Variants in AKAIN1 observed in about 807,000 individuals in gnomAD.
AKAIN1 encodes the protein A-kinase anchor protein inhibitor 1.
AKAIN1 carries 3 observed loss-of-function variants against 3.7 expected under a neutral mutation model. The ratio of observed to expected loss-of-function variants is 0.82; its 90% CI spans 0.37 to 2.12. The LOEUF is 2.12. Ranked by LOEUF, AKAIN1 falls within the 30% of genes most tolerant of loss-of-function variation. The pLI is 0.06. For missense variants in AKAIN1, 82 were observed against 82.7 expected, an observed-to-expected ratio of 0.99 and a Z score of 0.03; for synonymous variants, 31 against 30.8, an observed-to-expected ratio of 1.01 and a Z score of -0.02.
In AKAIN1 at chr18:5,161,178, G is replaced by A. The variant is rs117523540; in HGVS notation, c.17-15423C>T. On this transcript the variant is annotated intron_variant, in intron 1 of 1. Coordinates refer to ENST00000434239, the MANE Select transcript of AKAIN1 (RefSeq NM_001145194.2). ...TAGATCTTTCCATATTTTGTTCTTC[G>A]GCTCCATGTCCATAGTGTATCTCTC... Among the ~76,000 whole-genome samples, 1,320 of 151,698 alleles carry A rather than the reference G, an allele frequency of 8.7e-3. 13 individuals carry two copies. The highest frequency in any genetic ancestry group is 0.034 in the Middle Eastern group (10 of 294).
In AKAIN1 at chr18:5,165,616, C is replaced by T. The variant is rs559172538; in HGVS notation, c.17-19861G>A. Reference sequence around the variant, plus strand: ...CAGATGATAGAGAGCTTGACTCAGACGTCAAATATGGCCTAAAAGGAATCC... The same window carrying T: ...CAGATGATAGAGAGCTTGACTCAGATGTCAAATATGGCCTAAAAGGAATCC... On this transcript the variant is annotated intron_variant, in intron 1 of 1. Transcript: ENST00000434239. 7.2e-5 allele frequency among the ~76,000 whole-genome samples: 11 copies of T among 152,036 alleles called. No individual in the cohort carries two copies. The East Asian group carries it at 7.7e-4, about 11-fold the overall frequency.
chr18:5,197,153 G>T lies in AKAIN1; in HGVS notation c.-100C>A. The stretch of plus-strand genomic sequence containing the variant: ...TTGGCGGGGTCCGGTGCAGGAGGGC[G>T]CGCTGGGCGGGCGGCGGGCGGGGCG... On this transcript the variant is annotated 5_prime_UTR_variant, in exon 1 of 2. Coordinates refer to ENST00000434239, the MANE Select transcript of AKAIN1 (RefSeq NM_001145194.2). The surrounding 1 kb of genome is among the most constrained non-coding windows in gnomAD (Gnocchi z 6.9). 2.0e-6 allele frequency: 3 copies of T among 1,526,160 alleles called. No individual in the cohort carries two copies. Among genetic ancestry groups the T allele is most frequent in the Non-Finnish European group, 1.8e-6 (2 of 1,139,758 alleles). 94.5% of individuals were successfully genotyped at this position (1,526,160 alleles called of 1,614,324 possible).
At chr18:5,169,553 A>G (rs563982640) in intron 1 of AKAIN1, among the ~76,000 whole-genome samples, 3 of 152,142 alleles carry the variant, frequency 2.0e-5, no homozygotes, top group Non-Finnish European at 4.4e-5. Flanking sequence ...TTGGCATAGG[A>G]GTTGAAATCT....
intron 1 of AKAIN1, among the ~76,000 whole-genome samples, chr18:5,187,354 T>C (rs970417555): frequency 6.6e-6 from 1 of 152,190 alleles, no homozygotes; most frequent in Non-Finnish European, 1.5e-5. Context: ...AATGTCTTTG[T>C]CCATTTTCTG....
rs140818008 is a variant in AKAIN1, at chr18:5,196,236, T to C, written c.16+802A>G. Among the ~76,000 whole-genome samples, 659 of 152,324 alleles carry C rather than the reference T, an allele frequency of 4.3e-3. 5 individuals carry two copies. The highest frequency in any genetic ancestry group is 0.015 in the African/African-American group (621 of 41,578). The stretch of plus-strand genomic sequence containing the variant: ...GAGAGAAATACTTTGGATCTACCCC[T>C]AGAGACAGCGTCGGACGTTCACAAC... On this transcript the variant is annotated intron_variant, in intron 1 of 1. Transcript: ENST00000434239.
chr18:5,162,054 G>C (rs1056983753), intron 1 of AKAIN1, among the ~76,000 whole-genome samples: 1 of 152,104 alleles, frequency 6.6e-6, no homozygotes, highest in African/African-American at 2.4e-5. Context: ...GAGAAGAGAA[G>C]GATTTATGTG....
intron 1 of AKAIN1, among the ~76,000 whole-genome samples, chr18:5,175,263 G>A (rs116529740): frequency 4.6e-5 from 7 of 152,252 alleles, no homozygotes; most frequent in African/African-American, 1.4e-4. Context: ...GGCTCATGAT[G>A]CATGTGAGTT....
chr18:5,147,680 C>T (rs2071056860), intron 1 of AKAIN1, among the ~76,000 whole-genome samples: 1 of 152,160 alleles, frequency 6.6e-6, no homozygotes. Flanking sequence ...GACTTATGAT[C>T]TTCATTTATT....
chr18:5,178,086 G>T (rs1264847190), intron 1 of AKAIN1, among the ~76,000 whole-genome samples: 1 of 152,128 alleles, frequency 6.6e-6, no homozygotes. Flanking sequence ...GTGTTGCTCG[G>T]GGTGGCTGCA....
chr18:5,147,424 C>T (rs1392521704), intron 1 of AKAIN1, among the ~76,000 whole-genome samples: 2 of 152,106 alleles, frequency 1.3e-5, no homozygotes, highest in Non-Finnish European at 1.5e-5. Flanking sequence ...ATCTGGAAAA[C>T]CCTAAATCCC....
chr18:5,153,043 C>G (rs1381093599), intron 1 of AKAIN1, among the ~76,000 whole-genome samples: 2 of 152,168 alleles, frequency 1.3e-5, no homozygotes, highest in African/African-American at 2.4e-5. Flanking sequence ...CACAGATGGA[C>G]TTTGGAAAGG....
chr18:5,159,403 A>C (rs2071126856), intron 1 of AKAIN1: 1 of 152,172 alleles, frequency 6.6e-6, no homozygotes, highest in African/African-American at 2.4e-5. Context: ...GAAGAAAGGG[A>C]GGTAAGAGTT....
chr18:5,192,388 TCTTTCTTTC>T (rs1376047604), intron 1 of AKAIN1, among the ~76,000 whole-genome samples: 19 of 81,732 alleles, frequency 2.3e-4, no homozygotes, highest in South Asian at 8.9e-4. Context: ...GAGCTAATTT[TCTTTCTTTC>T]TTTCTTTCTT....
chr18:5,191,411 C>G (rs1392718668), intron 1 of AKAIN1, among the ~76,000 whole-genome samples: 1 of 152,068 alleles, frequency 6.6e-6, no homozygotes, highest in East Asian at 1.9e-4. Context: ...TAGCTCCCCC[C>G]AAAAGATACA....
intron 1 of AKAIN1, among the ~76,000 whole-genome samples, chr18:5,147,627 A>G (rs905623053): frequency 2.0e-5 from 3 of 152,254 alleles, no homozygotes; most frequent in African/African-American, 7.2e-5. Flanking sequence ...ACAAAAGATA[A>G]TACTGAGTAA....
At chr18:5,189,298 T>C (rs2071305299) in intron 1 of AKAIN1, among the ~76,000 whole-genome samples, 1 of 152,212 alleles carries the variant, frequency 6.6e-6, no homozygotes, top group Non-Finnish European at 1.5e-5. Flanking sequence ...GAATAGCACC[T>C]GGCATCCTTC....
At chr18:5,146,452 A>G (rs545149330) in intron 1 of AKAIN1, among the ~76,000 whole-genome samples, 1 of 152,328 alleles carries the variant, frequency 6.6e-6, no homozygotes, top group East Asian at 1.9e-4. Context: ...GTTTAATCCA[A>G]CATTATTCAG....
At chr18:5,176,467 A>T (rs2071227403) in intron 1 of AKAIN1, among the ~76,000 whole-genome samples, 1 of 151,992 alleles carries the variant, frequency 6.6e-6, no homozygotes, top group South Asian at 2.1e-4. Flanking sequence ...CAAAAAAAAC[A>T]AACTGGTAAA....
intron 1 of AKAIN1, among the ~76,000 whole-genome samples, chr18:5,171,225 A>G (rs1351536807): frequency 6.6e-6 from 1 of 152,200 alleles, no homozygotes; most frequent in African/African-American, 2.4e-5. Context: ...CTTAAACAAT[A>G]TGCTATACTT....
Sources: gnomAD v4.1 joint callset for allele counts (sites outside exome capture counted in the v4.1 genomes callset) on GRCh38, gnomAD v4.1.1 for gene constraint, Gnocchi (gnomAD v3.1) non-coding constraint, MANE v1.5 for transcripts, NCBI Gene and HGNC (gene_info 2026-07-23, HGNC 2026-07-21) for gene names.